The following GREB1 variants were observed in gnomAD, a reference collection of about 807,000 sequenced individuals.
The protein encoded by GREB1 is growth regulating estrogen receptor binding 1, also known as protein GREB1.
Under a neutral mutation model 200.7 loss-of-function variants are expected in GREB1, and 106 were observed. The observed-to-expected ratio is 0.53, with a 90% CI of 0.45 to 0.62. The LOEUF is 0.62. GREB1 is among the 20% of genes least tolerant of loss of function. The probability of loss-of-function intolerance (pLI) is 0.00; values close to 1 mark genes in which losing one functional copy is unlikely to be tolerated. For synonymous variants in GREB1, 1,132 were observed against 1,092.4 expected, an observed-to-expected ratio of 1.04 and a Z score of -0.72; for missense variants, 2,243 against 2,556.8, an observed-to-expected ratio of 0.88 and a Z score of 2.65.
Position 11,625,297 on chromosome 2 carries a change from G to T in GREB1, c.4291G>T (p.Gly1431Cys), listed in dbSNP as rs765506520. The change falls in exon 24 of 33, where the codon GGT becomes TGT. Residue 1431 changes from glycine to cysteine, a missense_variant. By Grantham distance (159) the Gly-to-Cys change is radical. This residue lies in a region of GREB1 where 587 missense variants were observed against 553.1 expected (regional missense o/e 1.06). Coordinates refer to ENST00000381486, the MANE Select transcript of GREB1 (RefSeq NM_014668.4). ...CAGCCTGATTTGTTCGCACTATCAG[G>T]GTATAAAGAGTGAAGGTCAGACTTT... The part of the protein sequence containing the change: ...DASLICSHYQ[G>C]IKSEDRGMSR... 2 of 1,614,150 alleles carry T rather than the reference G, an allele frequency of 1.2e-6. No individual in the cohort carries two copies. The highest frequency in any genetic ancestry group is 1.7e-4 in the Middle Eastern group (1 of 6,060).
At chr2:11,524,045 G>GCA (rs1303747093) in intron 1 of GREB1, among the ~76,000 whole-genome samples, 1 of 140,112 alleles carries the variant, frequency 7.1e-6, no homozygotes, top group African/African-American at 3.2e-5. Flanking sequence ...ACACGTGCAT[G>GCA]CACACTCACA....
chr2:11,633,127 C>T lies in GREB1; in HGVS notation c.4991+64C>T. The T allele has an allele frequency of 6.6e-7, 1 of 1,519,536 alleles. No homozygotes were observed. The highest frequency in any genetic ancestry group is 9.1e-7 in the Non-Finnish European group (1 of 1,099,118). 94.1% of individuals were successfully genotyped at this position (1,519,536 alleles called of 1,614,324 possible). A position where few individuals can be genotyped will look rare whatever the true frequency, so the allele number is the denominator to read the frequency against. On this transcript the variant is annotated intron_variant, in intron 28 of 32. Coordinates refer to ENST00000381486, the MANE Select transcript of GREB1 (RefSeq NM_014668.4). The surrounding 1 kb of genome is among the most constrained non-coding windows in gnomAD (Gnocchi z 4.1). ...GAATGATGACCAACGAGTGTGCCCT[C>T]TTTGTATGGGGAATGTGCCCACCCC...
At chr2:11,501,272 G>T (rs1673030802) in intron 1 of GREB1, among the ~76,000 whole-genome samples, 1 of 152,246 alleles carries the variant, frequency 6.6e-6, no homozygotes, top group East Asian at 1.9e-4. Context: ...AGCAGTGGTG[G>T]TGGGGAGCTG....
chr2:11,587,402 C>T, intron 9 of GREB1: 2 of 1,612,988 alleles, frequency 1.2e-6, no homozygotes, highest in Non-Finnish European at 1.7e-6. Flanking sequence ...TGGTGCTACC[C>T]AAATGGTAGC....
chr2:11,570,742 A>G (rs756632776), intron 4 of GREB1, among the ~76,000 whole-genome samples: 2 of 152,226 alleles, frequency 1.3e-5, no homozygotes, highest in Non-Finnish European at 2.9e-5. Context: ...CTTAGAAGTC[A>G]GATACACAAT....
intron 19 of GREB1, among the ~76,000 whole-genome samples, chr2:11,613,119 G>A (rs114903487): frequency 6.6e-6 from 1 of 152,186 alleles, no homozygotes; most frequent in Admixed American, 6.5e-5. Context: ...AGAGTGGACT[G>A]TCTCAAAAGA....
intron 5 of GREB1, among the ~76,000 whole-genome samples, chr2:11,578,003 A>G (rs745962656): frequency 3.9e-5 from 6 of 152,194 alleles, no homozygotes; most frequent in Non-Finnish European, 5.9e-5. Flanking sequence ...ACTCTCGTCT[A>G]TGGCTACGGG....
chr2:11,594,362 C>T (rs1227975242), intron 11 of GREB1, among the ~76,000 whole-genome samples: 2 of 148,338 alleles, frequency 1.3e-5, no homozygotes, highest in South Asian at 2.2e-4. Context: ...CATTTTTTTT[C>T]TTTTTTTTTT....
At chr2:11,576,320 AG>A in intron 4 of GREB1, 32 bp from the exon 5 acceptor site, 1 of 1,540,830 alleles carries the variant, frequency 6.5e-7, no homozygotes, top group African/African-American at 1.4e-5. Context: ...AAAAAAAAAA[AG>A]AAAGATGTTT....
intron 8 of GREB1, 71 bp from the exon 9 acceptor site, chr2:11,585,691 G>A: frequency 6.4e-7 from 1 of 1,561,990 alleles, no homozygotes; most frequent in Non-Finnish European, 8.8e-7. Context: ...TTGCTGGCTG[G>A]CCTGATGTCA....
intron 18 of GREB1, 136 bp downstream of exon 18, chr2:11,611,163 C>G: frequency 1.4e-6 from 1 of 698,920 alleles, no homozygotes; most frequent in South Asian, 1.9e-5. Flanking sequence ...ACCCCTCAGC[C>G]TCCTCTCTGT....
intron 1 of GREB1, among the ~76,000 whole-genome samples, chr2:11,487,369 C>T (rs973339589): frequency 1.3e-5 from 2 of 152,148 alleles, no homozygotes; most frequent in Non-Finnish European, 2.9e-5. Flanking sequence ...TCTCTGATGC[C>T]ACTGTTCAAC....
At chr2:11,625,927 C>T (rs7585815) in intron 24 of GREB1, among the ~76,000 whole-genome samples, 8,653 of 152,130 alleles carry the variant, frequency 0.057, 779 homozygotes, top group African/African-American at 0.19. Flanking sequence ...GTGAAAGGCA[C>T]GTCTTATATA....
chr2:11,519,066 C>T (rs1334858057), intron 1 of GREB1, among the ~76,000 whole-genome samples: 3 of 147,400 alleles, frequency 2.0e-5, no homozygotes, highest in Non-Finnish European at 4.5e-5. Flanking sequence ...CACTGCACTC[C>T]AGCCTGGGTG....
intron 1 of GREB1, among the ~76,000 whole-genome samples, chr2:11,550,065 A>C (rs930529025): frequency 1.5e-4 from 23 of 152,142 alleles, no homozygotes; most frequent in African/African-American, 5.3e-4. Flanking sequence ...CTAAAAGTAC[A>C]AAAATTAGCC....
At chr2:11,531,576 T>A (rs939684921), upstream of GREB1, among the ~76,000 whole-genome samples, 8 of 151,994 alleles carry the variant, frequency 5.3e-5, no homozygotes, top group African/African-American at 1.2e-4. Context: ...TAATTAATTA[T>A]TATTATTATT....
Position 11,595,275 on chromosome 2 carries a change from C to G in GREB1, c.1721C>G (p.Ser574Cys). 6.2e-7 allele frequency: 1 copy of G among 1,613,704 alleles called. No homozygotes were observed. Among genetic ancestry groups the G allele is most frequent in the Non-Finnish European group, 8.5e-7 (1 of 1,179,712 alleles). Reference sequence around the variant, plus strand: ...GGAAAATACCAAGCCCGGATTCTTTCCGAGAGCCTTCTCACTCCTGCGGAG... The same window carrying G: ...GGAAAATACCAAGCCCGGATTCTTTGCGAGAGCCTTCTCACTCCTGCGGAG... ...VTGKYQARIL[S>C]ESLLTPAEYQ... The change falls in exon 12 of 33, where the codon TCC (serine) becomes TGC (cysteine). Residue 574 changes from serine to cysteine, a missense_variant. Coordinates refer to ENST00000381486, the MANE Select transcript of GREB1 (RefSeq NM_014668.4).
chr2:11,626,529 A>G (rs1684471288), intron 24 of GREB1, among the ~76,000 whole-genome samples: 1 of 152,208 alleles, frequency 6.6e-6, no homozygotes, highest in Non-Finnish European at 1.5e-5. Flanking sequence ...CGGAGGTTGC[A>G]GTGAGCTGAG....
Position 11,618,288 on chromosome 2 carries a change from G to A in GREB1, c.3413G>A (p.Gly1138Asp), listed in dbSNP as rs776993403. The change falls in exon 22 of 33, where the codon GGT (glycine) becomes GAT (aspartate). Residue 1138 changes from glycine to aspartate, a missense_variant and splice_region_variant. Physicochemically the swap from Gly to Asp is moderately conservative, Grantham distance 94. Coordinates refer to ENST00000381486, the MANE Select transcript of GREB1 (RefSeq NM_014668.4). Reference protein sequence around the residue: ...ASSSLSSKASGSALGGESSAQ... With the variant: ...ASSSLSSKASDSALGGESSAQ... ...CCTGACCATGTTCGTCTCTCCTCAGGTTCAGCGCTCGGTGGCGAGTCCTCG... is the reference window on the plus strand; with the variant it reads ...CCTGACCATGTTCGTCTCTCCTCAGATTCAGCGCTCGGTGGCGAGTCCTCG... 6.4e-7 allele frequency: 1 copy of A among 1,557,688 alleles called. No individual in the cohort carries two copies. Among genetic ancestry groups the A allele is most frequent in the East Asian group, 2.3e-5 (1 of 44,276 alleles).
Sources: gnomAD v4.1 joint callset for allele counts (sites outside exome capture counted in the v4.1 genomes callset) on GRCh38, gnomAD v4.1.1 for gene constraint, gnomAD v4.1.1 regional missense constraint, Gnocchi (gnomAD v3.1) non-coding constraint, MANE v1.5 for transcripts, NCBI Gene and HGNC (gene_info 2026-07-23, HGNC 2026-07-21) for gene names.